Variants in CHAD observed in about 807,000 individuals in gnomAD.
CHAD encodes the protein cartilage leucine-rich protein.
CHAD carries 18 observed loss-of-function variants against 24.0 expected under a neutral mutation model. That is an observed-to-expected ratio of 0.75 (90% CI 0.52 to 1.11). The LOEUF is 1.11. Among genes scored for constraint, CHAD ranks in the 50% most tolerant of loss-of-function variants. CHAD has a pLI of 0.00. For synonymous variants in CHAD, 195 were observed against 211.6 expected (o/e 0.92, Z 0.68); for missense variants, 440 against 467.2 (o/e 0.94, Z 0.54).
chr17:50,467,577 C>T lies in CHAD; in HGVS notation c.774+463G>A, dbSNP rs79558609. Among the ~76,000 whole-genome samples, 770 of 152,298 alleles carry T rather than the reference C, an allele frequency of 5.1e-3. 6 individuals carry two copies. The highest frequency in any genetic ancestry group is 0.018 in the African/African-American group (733 of 41,546). Reference sequence around the variant, plus strand: ...CTCCCCCTTAGCACACATGCACAGCCCCCACCAGGAACAGGGTCTCTTTGT... The same window carrying T: ...CTCCCCCTTAGCACACATGCACAGCTCCCACCAGGAACAGGGTCTCTTTGT... On this transcript the variant is annotated intron_variant, in intron 1 of 3. Transcript: ENST00000508540.
Position 50,468,250 on chromosome 17 carries a change from G to C in CHAD, c.564C>G (p.Pro188=). The part of the protein sequence containing the change: ...LSENALSSLQ[P]GALDDVENLA... ...GGTTCTCCACGTCGTCCAGGGCCCCGGGCTGCAGGGAGCTCAACGCGTTTT... is the reference window on the plus strand; with the variant it reads ...GGTTCTCCACGTCGTCCAGGGCCCCCGGCTGCAGGGAGCTCAACGCGTTTT... Residue 188 remains proline (P), a synonymous_variant, in exon 1 of 4, where the codon CCC becomes CCG. Transcript: ENST00000508540. The C allele has an allele frequency of 1.2e-6, 2 of 1,611,644 alleles. No homozygotes were observed. The highest frequency in any genetic ancestry group is 1.7e-6 in the Non-Finnish European group (2 of 1,178,008).
chr17:50,466,073 CTTTTTTT>C (rs10707664), intron 1 of CHAD, among the ~76,000 whole-genome samples: 1 of 120,028 alleles, frequency 8.3e-6, no homozygotes, highest in Non-Finnish European at 1.7e-5. Context: ...GTGTTATTTT[CTTTTTTT>C]TTTTTTTTTC....
Position 50,465,840 on chromosome 17 carries a change from T to G in CHAD, c.805A>C (p.Thr269Pro), listed in dbSNP as rs1194666480. The change falls in exon 2 of 4, where the codon ACG becomes CCG. Residue 269 changes from threonine to proline, a missense_variant. Physicochemically the swap from Thr to Pro is conservative, Grantham distance 38 (BLOSUM62 -1). Coordinates refer to ENST00000508540, the MANE Select transcript of CHAD (RefSeq NM_001267.3). ...TTCTCCAAATGGACGTGTTTCAGCG[T>G]GGTTACACCCAGGAAGGCACCATCT... is the stretch of plus-strand genomic sequence containing the variant. ...FSDGAFLGVT[T>P]LKHVHLENNR... The G allele has an allele frequency of 6.2e-7, 1 of 1,613,820 alleles. No individual in the cohort carries two copies. Among genetic ancestry groups the G allele is most frequent in the Non-Finnish European group, 8.5e-7 (1 of 1,179,970 alleles).
In CHAD at chr17:50,468,309, C is replaced by T; in HGVS notation, c.505G>A (p.Gly169Arg). ...TAGAGCCAGCGCAGGTCCTTGGCTC[C>T]CTGGAAGGCGCCTGCGCGCAGCTCA... ...IRELRAGAFQGAKDLRWLYLS... is the reference protein window; with the variant it reads ...IRELRAGAFQRAKDLRWLYLS... The change falls in exon 1 of 4, where the codon GGA becomes AGA. Residue 169 changes from glycine to arginine, a missense_variant. Physicochemically the swap from Gly to Arg is moderately radical, Grantham distance 125 (BLOSUM62 -2). Coordinates refer to ENST00000508540, the MANE Select transcript of CHAD (RefSeq NM_001267.3). The T allele has an allele frequency of 1.2e-6, 2 of 1,613,924 alleles. No individual in the cohort carries two copies. Among genetic ancestry groups the T allele is most frequent in the Non-Finnish European group, 1.7e-6 (2 of 1,179,842 alleles).
Position 50,468,207 on chromosome 17 carries a change from C to G in CHAD, c.607G>C (p.Asp203His), listed in dbSNP as rs1420025215. 6.2e-7 allele frequency: 1 copy of G among 1,613,222 alleles called. No individual in the cohort carries two copies. The highest frequency in any genetic ancestry group is 1.7e-5 in the Admixed American group (1 of 59,960). The change falls in exon 1 of 4, where the codon GAC (aspartate) becomes CAC (histidine). Residue 203 changes from aspartate (D) to histidine (H), a missense_variant. Physicochemically the swap from Asp to His is moderately conservative, Grantham distance 81. Transcript: ENST00000508540. The part of the protein sequence containing the change: ...DVENLAKFHV[D>H]RNQLSSYPSA... ...GGGTAGCTGGACAGCTGGTTCCTGT[C>G]CACGTGGAATTTGGCGAGGTTCTCC...
Position 50,468,772 on chromosome 17 carries a change from A to G in CHAD, c.42T>C (p.Ala14=), listed in dbSNP as rs1474495765. ...AGGCGGCCAGCGCCGGCAGCAGACC[A>G]GCCAGGAGGCCGAGGCTGAGCAAGA... ...PMLLLSLGLL[A]GLLPALAACP... Residue 14 remains alanine (A), a synonymous_variant, in exon 1 of 4, where the codon GCT becomes GCC. Coordinates refer to ENST00000508540, the MANE Select transcript of CHAD (RefSeq NM_001267.3). The G allele has an allele frequency of 6.3e-7, 1 of 1,582,624 alleles. No homozygotes were observed. Among genetic ancestry groups the G allele is most frequent in the Non-Finnish European group, 8.6e-7 (1 of 1,168,998 alleles).
chr17:50,465,586 C>T, intron 2 of CHAD, 121 bp downstream of exon 2: 3 of 1,475,560 alleles, frequency 2.0e-6, no homozygotes, highest in South Asian at 2.5e-5. Context: ...CTGAGGCTCC[C>T]AGGGTCCCAT....
At position 50,464,746 on chromosome 17, in the gene CHAD, A is replaced by T. The variant is rs1460649117; in HGVS notation, c.*308T>A. On this transcript the variant is annotated 3_prime_UTR_variant, in exon 4 of 4. Transcript: ENST00000508540. ...GGGAGGGTGGCCATCCTGATGACCA[A>T]CCTGTTGTGGTTCTGATTGACTTGG... 7 of 320,346 alleles carry T rather than the reference A, an allele frequency of 2.2e-5. No homozygotes were observed. The highest frequency in any genetic ancestry group is 4.2e-5 in the Non-Finnish European group (7 of 166,482). 19.8% of individuals were successfully genotyped at this position (320,346 alleles called of 1,614,324 possible). A position where few individuals can be genotyped will look rare whatever the true frequency, so the allele number is the denominator to read the frequency against.
At chr17:50,465,639 T>C in intron 2 of CHAD, 68 bp downstream of exon 2, 1 of 1,575,596 alleles carries the variant, frequency 6.3e-7, no homozygotes, top group South Asian at 1.1e-5. Flanking sequence ...CAACATGTCT[T>C]AGTGCAGGGC....
intron 3 of CHAD, 102 bp from the exon 4 acceptor site, chr17:50,465,151 G>T: frequency 1.1e-6 from 1 of 919,786 alleles, no homozygotes; most frequent in Non-Finnish European, 1.6e-6. Context: ...CCTTCAACAG[G>T]GGACCCAGTC....
Position 50,468,446 on chromosome 17 carries a change from G to T in CHAD, c.368C>A (p.Thr123Asn), listed in dbSNP as rs1287589181. 6.2e-7 allele frequency: 1 copy of T among 1,614,110 alleles called. No homozygotes were observed. Among genetic ancestry groups the T allele is most frequent in the Non-Finnish European group, 8.5e-7 (1 of 1,180,008 alleles). Residue 123 changes from threonine to asparagine, a missense_variant, in exon 1 of 4, where the codon ACC (threonine) becomes AAC (asparagine). Thr to Asn is a moderately conservative substitution (Grantham distance 65, BLOSUM62 0). Coordinates refer to ENST00000508540, the MANE Select transcript of CHAD (RefSeq NM_001267.3). ...GTCCAGGTAGAGGTAGGTCAGCTCG[G>T]TCAGGTCGTCGAAGGCACCTGCGCG... ...VLRAGAFDDL[T>N]ELTYLYLDHN...
chr17:50,465,691 A>C lies in CHAD; in HGVS notation c.938+16T>G. The C allele has an allele frequency of 6.2e-7, 1 of 1,612,920 alleles. No individual in the cohort carries two copies. On this transcript the variant is annotated intron_variant, in intron 2 of 3. Coordinates refer to ENST00000508540, the MANE Select transcript of CHAD (RefSeq NM_001267.3). ...CATGAGGGTGGGCTCTGGGAGTGAC[A>C]TGGAAGTGTTCTTACCGCCGAAGGC...
chr17:50,468,514 T>C lies in CHAD; in HGVS notation c.300A>G (p.Gln100=), dbSNP rs1227893519. 2.5e-6 allele frequency: 4 copies of C among 1,614,134 alleles called. 1 individual carries two copies. The South Asian group carries it at 3.3e-5, about 13-fold the overall frequency. ...TATGGGACAGGTACAAGTAGATAAGTTGCTTGAGGCCGCGGAAGGCACCGG... is the reference window on the plus strand; with the variant it reads ...TATGGGACAGGTACAAGTAGATAAGCTGCTTGAGGCCGCGGAAGGCACCGG... ...VAAGAFRGLK[Q]LIYLYLSHND... Residue 100 remains glutamine (Q), a synonymous_variant, in exon 1 of 4, where the codon CAA becomes CAG. Transcript: ENST00000508540.
chr17:50,464,835 G>A lies in CHAD; in HGVS notation c.*219C>T. 2.8e-6 allele frequency: 1 copy of A among 359,080 alleles called. No individual in the cohort carries two copies. The highest frequency in any genetic ancestry group is 5.5e-6 in the Non-Finnish European group (1 of 183,224). 22.2% of individuals were successfully genotyped at this position (359,080 alleles called of 1,614,324 possible). On this transcript the variant is annotated 3_prime_UTR_variant, in exon 4 of 4. Transcript: ENST00000508540. ...GAGGGTGGGGAAGGCATGAAGGCTG[G>A]GGAGAGGCTCAGCCTTCCTTCTCCC...
chr17:50,466,581 G>A (rs751021687), intron 1 of CHAD, among the ~76,000 whole-genome samples: 2 of 152,164 alleles, frequency 1.3e-5, no homozygotes, highest in African/African-American at 2.4e-5. Flanking sequence ...ACTGGTACAC[G>A]GTGAACTTGG....
Position 50,465,713 on chromosome 17 carries a change from A to C in CHAD, c.932T>G (p.Leu311Arg), listed in dbSNP as rs1567859371. Residue 311 changes from leucine to arginine, a missense_variant, in exon 2 of 4, where the codon CTT (leucine) becomes CGT (arginine). By Grantham distance (102) the Leu-to-Arg change is moderately radical. Transcript: ENST00000508540. The stretch of plus-strand genomic sequence containing the variant: ...GACATGGAAGTGTTCTTACCGCCGA[A>C]GGCCCCGGAGCTGGCAGGTACACTT... ...PWKCTCQLRG[L>R]RRWLEAKASR... 1 of 1,613,526 alleles carries C rather than the reference A, an allele frequency of 6.2e-7. No homozygotes were observed. The highest frequency in any genetic ancestry group is 8.5e-7 in the Non-Finnish European group (1 of 1,179,906).
chr17:50,465,464 G>A (rs1335412545), intron 2 of CHAD, 25 bp from the exon 3 acceptor site: 2 of 1,612,808 alleles, frequency 1.2e-6, no homozygotes, highest in Non-Finnish European at 1.7e-6. Flanking sequence ...ACTTGCTGGG[G>A]CTGGGGAAGA....
chr17:50,465,870 A>T lies in CHAD; in HGVS notation c.775T>A (p.Phe259Ile). ...ACACCCAGGAAGGCACCATCTGAGA[A>T]CTGGGGAGCAAGGTGGGAGCAAGGT... The part of the protein sequence containing the change: ...LWLDNTNLEK[F>I]SDGAFLGVTT... Residue 259 changes from phenylalanine to isoleucine, a missense_variant and splice_region_variant, in exon 2 of 4, where the codon TTC becomes ATC. Transcript: ENST00000508540. 9 of 1,613,602 alleles carry T rather than the reference A, an allele frequency of 5.6e-6. No individual in the cohort carries two copies. Among genetic ancestry groups the T allele is most frequent in the Non-Finnish European group, 7.6e-6 (9 of 1,179,894 alleles).
chr17:50,467,874 GGATGT>G lies in CHAD; in HGVS notation c.774+161_774+165del. 3 of 631,656 alleles carry G rather than the reference GGATGT, an allele frequency of 4.7e-6. No homozygotes were observed. In the South Asian group the frequency reaches 6.7e-5, roughly 14 times the overall value. The allele number at this position is 631,656 out of a possible 1,614,324, so 39.1% of individuals were successfully genotyped here. A position where few individuals can be genotyped will look rare whatever the true frequency, so the allele number is the denominator to read the frequency against. On this transcript the variant is annotated intron_variant, in intron 1 of 3. Coordinates refer to ENST00000508540, the MANE Select transcript of CHAD (RefSeq NM_001267.3). The stretch of plus-strand genomic sequence containing the variant: ...TGGCAGCAGACAGGGATTAGGGTAG[GGATGT>G]GACAAGGCGAGGAAGGGAGGTGGCA...
Sources: gnomAD v4.1 joint callset for allele counts (sites outside exome capture counted in the v4.1 genomes callset) on GRCh38, gnomAD v4.1.1 for gene constraint, MANE v1.5 for transcripts, NCBI Gene and HGNC (gene_info 2026-07-23, HGNC 2026-07-21) for gene names.